The following DGKB variants were observed in gnomAD, a reference collection of about 807,000 sequenced individuals.
DGKB encodes the protein diacylglycerol kinase beta, also known as 90 kDa diacylglycerol kinase.
In DGKB, 67 loss-of-function variants were observed where a neutral mutation model predicts 114.3. The observed-to-expected ratio is 0.59, with a 90% CI of 0.48 to 0.72. The LOEUF is 0.72. Among genes scored for constraint, DGKB ranks in the 30% least tolerant of loss-of-function variants. The pLI is 0.00. For synonymous variants in DGKB, 398 were observed against 323.1 expected (o/e 1.23, Z -2.49); for missense variants, 907 against 975.2 (o/e 0.93, Z 0.93).
chr7:14,495,555 A>G (rs766361618), intron 20 of DGKB, among the ~76,000 whole-genome samples: 10 of 151,992 alleles, frequency 6.6e-5, no homozygotes, highest in Non-Finnish European at 1.2e-4. Context: ...GATAATTCAA[A>G]CAAATGTTAT....
At chr7:14,677,470 T>G (rs1820068785) in intron 12 of DGKB, among the ~76,000 whole-genome samples, 2 of 152,142 alleles carry the variant, frequency 1.3e-5, no homozygotes, top group South Asian at 4.1e-4. Flanking sequence ...TTGGAAACCT[T>G]TAAACATTAC....
chr7:14,598,382 C>T (rs536042858), intron 17 of DGKB, among the ~76,000 whole-genome samples: 21 of 152,216 alleles, frequency 1.4e-4, no homozygotes, highest in East Asian at 9.7e-4. Context: ...TTGATCTAAA[C>T]GAAAAGTCAT....
chr7:14,642,710 A>C (rs747102872), intron 13 of DGKB, among the ~76,000 whole-genome samples: 5 of 152,184 alleles, frequency 3.3e-5, no homozygotes, highest in Non-Finnish European at 5.9e-5. Flanking sequence ...TTGTGAAATA[A>C]ATTTGAGTTT....
At chr7:14,405,047 A>G (rs2128733224) in intron 21 of DGKB, among the ~76,000 whole-genome samples, 1 of 151,988 alleles carries the variant, frequency 6.6e-6, no homozygotes, top group East Asian at 1.9e-4. Flanking sequence ...CCAATAGGAT[A>G]CTAGATTCCA....
At chr7:14,779,555 T>C (rs1476803825) in intron 2 of DGKB, among the ~76,000 whole-genome samples, 2 of 152,088 alleles carry the variant, frequency 1.3e-5, no homozygotes, top group Non-Finnish European at 2.9e-5. Flanking sequence ...TCAATTAAGA[T>C]TCAGCTAGTT....
chr7:14,703,321 T>C (rs116149981), intron 6 of DGKB, among the ~76,000 whole-genome samples: 2 of 152,124 alleles, frequency 1.3e-5, no homozygotes, highest in Non-Finnish European at 2.9e-5. Context: ...TCGCTCAAAT[T>C]TGTGGAAACC....
rs536466657 is a variant in DGKB at position 14,270,131 on chromosome 7, G to A, written c.2122+68384C>T. On this transcript the variant is annotated intron_variant, in intron 23 of 25. Coordinates refer to ENST00000402815, the MANE Select transcript of DGKB (RefSeq NM_001350709.2). Reference sequence around the variant, plus strand: ...AGGGAGTTTTATATATAATGTGCATGTAAGATGGTAGTAGAAACAGAAAAG... The same window carrying A: ...AGGGAGTTTTATATATAATGTGCATATAAGATGGTAGTAGAAACAGAAAAG... Among the ~76,000 whole-genome samples the A allele has an allele frequency of 8.1e-5, 12 of 148,046 alleles. 1 individual carries two copies. In the South Asian group the frequency reaches 2.6e-3, roughly 33 times the overall value.
chr7:14,942,319 C>T (rs1449572378), intron 1 of DGKB, among the ~76,000 whole-genome samples: 4 of 151,868 alleles, frequency 2.6e-5, no homozygotes, highest in African/African-American at 9.7e-5. Flanking sequence ...ATTTACTTCT[C>T]TTTTAGGCTG....
At chr7:14,757,141 A>G (rs1355106032) in intron 3 of DGKB, among the ~76,000 whole-genome samples, 2 of 152,090 alleles carry the variant, frequency 1.3e-5, no homozygotes, top group African/African-American at 4.8e-5. Flanking sequence ...CGGACCAGGT[A>G]TAAGCAACAC....
chr7:14,161,959 T>G (rs894556033), intron 25 of DGKB, among the ~76,000 whole-genome samples: 2 of 152,174 alleles, frequency 1.3e-5, no homozygotes, highest in Non-Finnish European at 2.9e-5. Flanking sequence ...AAGTTCAAAT[T>G]TTTATTTAAA....
chr7:14,820,728 C>G (rs1844808096), intron 2 of DGKB, among the ~76,000 whole-genome samples: 1 of 152,082 alleles, frequency 6.6e-6, no homozygotes, highest in Non-Finnish European at 1.5e-5. Context: ...GATAATGCTC[C>G]TTCCTTGACA....
intron 23 of DGKB, among the ~76,000 whole-genome samples, chr7:14,306,340 G>C (rs1020124082): frequency 6.6e-6 from 1 of 152,110 alleles, no homozygotes; most frequent in Non-Finnish European, 1.5e-5. Flanking sequence ...TAGGGGAAAA[G>C]CAGGTAAGTT....
chr7:14,962,844 C>G lies in DGKB; in HGVS notation c.-188+11852G>C, dbSNP rs1029185516. On this transcript the variant is annotated intron_variant, in intron 1 of 4. Transcript: ENST00000437998. ...ATAAGCTATTATATGATTCAGGATT[C>G]TACCAGTTGCAAGTGACAGAAACTC... Among the ~76,000 whole-genome samples the G allele has an allele frequency of 3.9e-5, 6 of 152,198 alleles. No individual in the cohort carries two copies. The East Asian group carries it at 7.7e-4, about 20-fold the overall frequency.
At chr7:14,917,410 T>C (rs1245755868) in intron 1 of DGKB, among the ~76,000 whole-genome samples, 1 of 151,802 alleles carries the variant, frequency 6.6e-6, no homozygotes, top group Non-Finnish European at 1.5e-5. Flanking sequence ...AAAGAGAAGA[T>C]GCAAATTACT....
At chr7:14,410,926 T>G (rs1287368852) in intron 21 of DGKB, among the ~76,000 whole-genome samples, 1 of 152,198 alleles carries the variant, frequency 6.6e-6, no homozygotes, top group Non-Finnish European at 1.5e-5. Flanking sequence ...TCGTTTGACT[T>G]AAAATGATTG....
At chr7:14,408,674 T>C (rs1202883336) in intron 21 of DGKB, among the ~76,000 whole-genome samples, 1 of 152,146 alleles carries the variant, frequency 6.6e-6, no homozygotes. Context: ...TTTCATATTT[T>C]TGGTTCTTTA....
chr7:14,380,391 C>A (rs1455221661), intron 21 of DGKB, among the ~76,000 whole-genome samples: 1 of 151,944 alleles, frequency 6.6e-6, no homozygotes, highest in Non-Finnish European at 1.5e-5. Context: ...AAATAAAATT[C>A]TTCTCAATGT....
At chr7:14,632,897 T>C (rs990866003) in intron 13 of DGKB, among the ~76,000 whole-genome samples, 8 of 152,028 alleles carry the variant, frequency 5.3e-5, no homozygotes, top group African/African-American at 1.9e-4. Flanking sequence ...TCCAAATGTG[T>C]TCCTTTTGGG....
chr7:14,891,080 G>C (rs1188171120), intron 1 of DGKB, among the ~76,000 whole-genome samples: 1 of 151,378 alleles, frequency 6.6e-6, no homozygotes, highest in Non-Finnish European at 1.5e-5. Flanking sequence ...TACTTGTTCA[G>C]CATCAGTACA....
Sources: allele counts gnomAD v4.1 joint callset (sites outside exome capture counted in the v4.1 genomes callset), GRCh38; gene constraint gnomAD v4.1.1; transcripts MANE v1.5; gene names NCBI Gene and HGNC (gene_info 2026-07-23, HGNC 2026-07-21).